CAST: variants seen among roughly 807,000 people sequenced by gnomAD.
CAST encodes calpastatin.
A neutral mutation model predicts 119.6 loss-of-function variants in CAST; 76 were observed. The observed-to-expected ratio is 0.64, with a 90% CI of 0.53 to 0.77. The LOEUF (loss-of-function observed/expected upper bound fraction) is 0.77. CAST is among the 30% of genes least tolerant of loss of function. The pLI, the probability that CAST is intolerant of heterozygous loss-of-function variation, is 0.00. For synonymous variants in CAST, 319 were observed against 331.6 expected (o/e 0.96, Z 0.41); for missense variants, 953 against 946.5 (o/e 1.01, Z -0.09).
the CAST span, among the ~76,000 whole-genome samples, chr5:96,014,741 G>C: frequency 1.3e-5 from 2 of 152,156 alleles, no homozygotes; most frequent in African/African-American, 4.8e-5. Context: ...TGGGGGGTTG[G>C]GGGTAGGAGA....
At chr5:96,539,189 T>G (rs1408752065) in intron 1 of CAST, among the ~76,000 whole-genome samples, 1 of 152,204 alleles carries the variant, frequency 6.6e-6, no homozygotes, top group Non-Finnish European at 1.5e-5. Context: ...TTCAGGGATA[T>G]AGTGAGTTGT....
the CAST span, among the ~76,000 whole-genome samples, chr5:96,257,004 T>A: frequency 5.9e-5 from 9 of 152,136 alleles, no homozygotes; most frequent in Non-Finnish European, 1.2e-4. Flanking sequence ...TGTGCATTCA[T>A]AAGACAGATG....
the CAST span, among the ~76,000 whole-genome samples, chr5:96,158,085 C>A: frequency 7.1e-6 from 1 of 140,222 alleles, no homozygotes; most frequent in African/African-American, 2.7e-5. Flanking sequence ...CAAACAAACA[C>A]ACACAAAAAA....
At chr5:96,721,443 G>A (rs953948167) in intron 3 of CAST, among the ~76,000 whole-genome samples, 2 of 152,132 alleles carry the variant, frequency 1.3e-5, no homozygotes, top group African/African-American at 4.8e-5. Flanking sequence ...GAGTGGTAGT[G>A]TATTGGGGGT....
At chr5:96,078,662 C>G in the CAST span, among the ~76,000 whole-genome samples, 2 of 152,176 alleles carry the variant, frequency 1.3e-5, no homozygotes. Flanking sequence ...CAAGAAAGAA[C>G]AAGTGGAAAG....
At chr5:96,712,316 A>G (rs763266517) in intron 3 of CAST, among the ~76,000 whole-genome samples, 1 of 152,064 alleles carries the variant, frequency 6.6e-6, no homozygotes, top group Non-Finnish European at 1.5e-5. Flanking sequence ...CCATGACACA[A>G]CTTTTTTTCT....
intron 1 of CAST, among the ~76,000 whole-genome samples, chr5:96,565,039 A>C (rs1169499311): frequency 6.6e-6 from 1 of 151,554 alleles, no homozygotes; most frequent in Non-Finnish European, 1.5e-5. Flanking sequence ...AAAATAAATA[A>C]ATATTTTAAA....
chr5:96,576,527 T>A (rs1326109606), intron 1 of CAST, among the ~76,000 whole-genome samples: 3 of 151,922 alleles, frequency 2.0e-5, no homozygotes, highest in Non-Finnish European at 4.4e-5. Flanking sequence ...ATACTTTTAG[T>A]AGAGATGGGG....
At chr5:96,744,084 A>G (rs1763240189) in intron 16 of CAST, among the ~76,000 whole-genome samples, 1 of 152,200 alleles carries the variant, frequency 6.6e-6, no homozygotes, top group Non-Finnish European at 1.5e-5. Context: ...GTGACATAAA[A>G]TAAGTTATTT....
chr5:96,362,380 C>G, the CAST span, among the ~76,000 whole-genome samples: 1 of 152,204 alleles, frequency 6.6e-6, no homozygotes, highest in Non-Finnish European at 1.5e-5. Flanking sequence ...AATGGTATTT[C>G]TAATTCTAGA....
At position 96,765,225 on chromosome 5, in the gene CAST, G is replaced by A. The variant is rs149919102; in HGVS notation, c.1937G>A (p.Ser646Asn). ...AGAPPRDTSQ[S>N]DKDLDDALDK... ...TCAGCATTATTTACTTTTCAGCAGA[G>A]TGACAAAGACCTCGATGATGCCTTG... Residue 646 changes from serine (S) to asparagine (N), a missense_variant, in exon 26 of 32, where the codon AGT becomes AAT. Coordinates refer to ENST00000675179, the MANE Select transcript of CAST (RefSeq NM_001750.7). 194 of 1,586,524 alleles carry A rather than the reference G, an allele frequency of 1.2e-4. 1 individual carries two copies. The East Asian group carries it at 3.8e-3, about 31-fold the overall frequency.
the CAST span, among the ~76,000 whole-genome samples, chr5:96,417,656 G>A: frequency 6.6e-6 from 1 of 152,212 alleles, no homozygotes; most frequent in Non-Finnish European, 1.5e-5. Context: ...TATTGTTTGA[G>A]CTCTTGGATC....
chr5:96,491,282 G>A, the CAST span, among the ~76,000 whole-genome samples: 1 of 151,068 alleles, frequency 6.6e-6, no homozygotes, highest in African/African-American at 2.4e-5. Context: ...TCAGGAGATC[G>A]AGACCATCCT....
the CAST span, among the ~76,000 whole-genome samples, chr5:96,177,496 C>T: frequency 2.0e-5 from 3 of 152,180 alleles, no homozygotes; most frequent in African/African-American, 7.2e-5. Flanking sequence ...CCAGGATCAA[C>T]CCGTATGATC....
chr5:96,453,723 C>T, the CAST span, among the ~76,000 whole-genome samples: 1 of 152,126 alleles, frequency 6.6e-6, no homozygotes, highest in African/African-American at 2.4e-5. Context: ...TTTCAGGTAA[C>T]TAGACTCAAT....
chr5:96,418,120 T>C, the CAST span, among the ~76,000 whole-genome samples: 1 of 152,200 alleles, frequency 6.6e-6, no homozygotes, highest in East Asian at 1.9e-4. Flanking sequence ...TATTCTCTAG[T>C]GAGAGCTGCA....
At chr5:96,622,265 G>A (rs1747627843) in intron 1 of CAST, among the ~76,000 whole-genome samples, 1 of 152,054 alleles carries the variant, frequency 6.6e-6, no homozygotes, top group Non-Finnish European at 1.5e-5. Context: ...ATTGCACCTG[G>A]CCTGAGTTAG....
the CAST span, among the ~76,000 whole-genome samples, chr5:96,354,979 C>T: frequency 2.6e-5 from 4 of 151,788 alleles, no homozygotes; most frequent in African/African-American, 4.8e-5. Context: ...AAAATTTTAC[C>T]TATGTCTCTG....
intron 3 of CAST, among the ~76,000 whole-genome samples, chr5:96,718,792 G>C (rs1018802688): frequency 6.6e-6 from 1 of 152,150 alleles, no homozygotes; most frequent in Non-Finnish European, 1.5e-5. Context: ...GTGTGTGAAG[G>C]GCAAGTAGTG....
Sources: allele counts gnomAD v4.1 joint callset (sites outside exome capture counted in the v4.1 genomes callset), GRCh38; gene constraint gnomAD v4.1.1; transcripts MANE v1.5; gene names NCBI Gene and HGNC (gene_info 2026-07-23, HGNC 2026-07-21).